The following MANBAL variants were observed in gnomAD, a reference collection of about 807,000 sequenced individuals.
MANBAL encodes mannosidase beta like.
A neutral mutation model predicts 6.4 loss-of-function variants in MANBAL; 1 was observed. That is an observed-to-expected ratio of 0.16 (90% CI 0.06 to 0.74). The LOEUF is 0.74. Among genes scored for constraint, MANBAL ranks in the 30% least tolerant of loss-of-function variants. MANBAL has a pLI of 0.78. For synonymous variants in MANBAL, 47 were observed against 45.8 expected (o/e 1.03, Z -0.10); for missense variants, 100 against 107.8 (o/e 0.93, Z 0.32).
intron 2 of MANBAL, among the ~76,000 whole-genome samples, chr20:37,302,526 A>G (rs1410110617): frequency 6.6e-6 from 1 of 152,146 alleles, no homozygotes; most frequent in African/African-American, 2.4e-5. Flanking sequence ...GCTTAGATCC[A>G]TTATTTCCTT....
intron 1 of MANBAL, among the ~76,000 whole-genome samples, chr20:37,292,005 A>G (rs935005277): frequency 6.6e-6 from 1 of 152,256 alleles, no homozygotes; most frequent in African/African-American, 2.4e-5. Flanking sequence ...ATCACATCAT[A>G]TCAAGGGTAC....
At chr20:37,298,560 A>G (rs976151905) in intron 1 of MANBAL, among the ~76,000 whole-genome samples, 1 of 152,130 alleles carries the variant, frequency 6.6e-6, no homozygotes, top group African/African-American at 2.4e-5. Context: ...AGGTTCATTC[A>G]TGTTGTAGCA....
In MANBAL at chr20:37,293,544, C is replaced by T. The variant is rs187146201; in HGVS notation, c.-57+3858C>T. 2.0e-3 allele frequency among the ~76,000 whole-genome samples: 309 copies of T among 152,224 alleles called. 2 individuals carry two copies. The highest frequency in any genetic ancestry group is 6.9e-3 in the African/African-American group (286 of 41,538). On this transcript the variant is annotated intron_variant, in intron 1 of 2. Transcript: ENST00000373606. ...CACCTGCTGCTCACCTCCTGCTGTGCGGCCTGGTTCCTAACAGGCCATGGA... is the reference window on the plus strand; with the variant it reads ...CACCTGCTGCTCACCTCCTGCTGTGTGGCCTGGTTCCTAACAGGCCATGGA...
At chr20:37,294,818 G>A (rs1246639341) in intron 1 of MANBAL, among the ~76,000 whole-genome samples, 1 of 152,204 alleles carries the variant, frequency 6.6e-6, no homozygotes, top group Admixed American at 6.5e-5. Context: ...GAAACTCCGT[G>A]GCAGGGATTA....
intron 1 of MANBAL, among the ~76,000 whole-genome samples, chr20:37,290,313 CTT>C (rs1568596527): frequency 6.6e-6 from 1 of 152,186 alleles, no homozygotes; most frequent in Non-Finnish European, 1.5e-5. Flanking sequence ...ACCAGTGTGA[CTT>C]TGCCCAGAGA....
chr20:37,292,386 C>G (rs1479837506), intron 1 of MANBAL, among the ~76,000 whole-genome samples: 1 of 152,188 alleles, frequency 6.6e-6, no homozygotes, highest in East Asian at 1.9e-4. Context: ...ACTGCAACCT[C>G]CACCTCCCGG....
chr20:37,313,575 G>T (rs896913514), intron 2 of MANBAL, among the ~76,000 whole-genome samples: 1 of 151,908 alleles, frequency 6.6e-6, no homozygotes, highest in African/African-American at 2.4e-5. Flanking sequence ...GCGTGGTGGC[G>T]GGTGCCTGTA....
chr20:37,304,027 A>G (rs2069202159), intron 2 of MANBAL, among the ~76,000 whole-genome samples: 1 of 152,222 alleles, frequency 6.6e-6, no homozygotes, highest in Non-Finnish European at 1.5e-5. Flanking sequence ...AAGATTAGCA[A>G]TTTATATTAA....
At chr20:37,297,723 A>C (rs1600900183) in intron 1 of MANBAL, among the ~76,000 whole-genome samples, 1 of 151,372 alleles carries the variant, frequency 6.6e-6, no homozygotes, top group Admixed American at 6.6e-5. Flanking sequence ...GCCCACTGCA[A>C]CCTCCGTCTC....
intron 2 of MANBAL, among the ~76,000 whole-genome samples, chr20:37,312,488 G>C (rs933680675): frequency 5.3e-5 from 8 of 152,194 alleles, no homozygotes; most frequent in African/African-American, 1.9e-4. Flanking sequence ...CTACTCACCA[G>C]CTAAGGCCTT....
chr20:37,290,395 A>G (rs973265122), intron 1 of MANBAL, among the ~76,000 whole-genome samples: 2 of 150,722 alleles, frequency 1.3e-5, no homozygotes, highest in East Asian at 3.9e-4. Context: ...GGGACGGGCC[A>G]GGCTGTACAA....
chr20:37,311,172 A>G (rs1225949022), intron 2 of MANBAL, among the ~76,000 whole-genome samples: 1 of 152,210 alleles, frequency 6.6e-6, no homozygotes, highest in African/African-American at 2.4e-5. Flanking sequence ...GCACACAGCC[A>G]CTAAGTGTGC....
intron 1 of MANBAL, among the ~76,000 whole-genome samples, chr20:37,298,359 A>G (rs929532387): frequency 6.6e-6 from 1 of 152,084 alleles, no homozygotes; most frequent in Non-Finnish European, 1.5e-5. Flanking sequence ...ATCTTTGCAA[A>G]CTGAAACTCT....
At chr20:37,299,375 G>A (rs929918422) in intron 1 of MANBAL, among the ~76,000 whole-genome samples, 1 of 152,134 alleles carries the variant, frequency 6.6e-6, no homozygotes, top group Non-Finnish European at 1.5e-5. Context: ...CACTGCAATC[G>A]TTTCAGCATG....
At chr20:37,302,152 G>A (rs906100441) in intron 2 of MANBAL, 8 of 1,361,110 alleles carry the variant, frequency 5.9e-6, no homozygotes, top group South Asian at 1.3e-5. Flanking sequence ...CCATTTGCTC[G>A]TGACATTGAT....
rs561552163 is a variant in MANBAL, at chr20:37,313,431, G to A, written c.151-2877G>A. Among the ~76,000 whole-genome samples the A allele has an allele frequency of 5.9e-5, 9 of 152,186 alleles. No individual in the cohort carries two copies. In the East Asian group the frequency reaches 1.7e-3, roughly 29 times the overall value. Reference sequence around the variant, plus strand: ...ATAATAGTGGCATTATGGGCTGGGCGCAGTGGCTCACGCCTGTAATCCCAG... The same window carrying A: ...ATAATAGTGGCATTATGGGCTGGGCACAGTGGCTCACGCCTGTAATCCCAG... On this transcript the variant is annotated intron_variant, in intron 2 of 2. Transcript: ENST00000373606.
intron 2 of MANBAL, among the ~76,000 whole-genome samples, chr20:37,303,404 A>G (rs771137992): frequency 6.6e-6 from 1 of 152,226 alleles, no homozygotes; most frequent in Non-Finnish European, 1.5e-5. Flanking sequence ...TTTTTAAGAA[A>G]TGAAAAAGTT....
intron 1 of MANBAL, among the ~76,000 whole-genome samples, chr20:37,291,853 C>T (rs1043674283): frequency 1.1e-4 from 16 of 152,296 alleles, no homozygotes; most frequent in East Asian, 1.9e-4. Context: ...TGCCTTTTGC[C>T]GTGATTGTGA....
intron 1 of MANBAL, among the ~76,000 whole-genome samples, chr20:37,290,383 A>T (rs2068838953): frequency 6.6e-6 from 1 of 150,864 alleles, no homozygotes; most frequent in Non-Finnish European, 1.5e-5. Flanking sequence ...ATTTGTTTTA[A>T]TGGGACGGGC....
Sources: gnomAD v4.1 joint callset for allele counts (sites outside exome capture counted in the v4.1 genomes callset) on GRCh38, gnomAD v4.1.1 for gene constraint, MANE v1.5 for transcripts, NCBI Gene and HGNC (gene_info 2026-07-23, HGNC 2026-07-21) for gene names.